The following TMIGD3 variants were observed in gnomAD, a reference collection of about 807,000 sequenced individuals.
The protein encoded by TMIGD3 is AD026 protein (AD026).
In TMIGD3, 21 loss-of-function variants were observed where a neutral mutation model predicts 28.1. The ratio of observed to expected loss-of-function variants is 0.75; its 90% confidence interval spans 0.53 to 1.08. The LOEUF (loss-of-function observed/expected upper bound fraction) is 1.08. Ranked by LOEUF, TMIGD3 falls within the 50% of genes least tolerant of loss-of-function variation. TMIGD3 has a pLI of 0.00. For synonymous variants in TMIGD3, 151 were observed against 162.1 expected (o/e 0.93, Z 0.52); for missense variants, 416 against 435.6 (o/e 0.96, Z 0.40).
rs552519227 is a variant in TMIGD3 at position 111,488,692 on chromosome 1, A to G, written c.790T>C (p.Phe264Leu). 13 of 1,613,534 alleles carry G rather than the reference A, an allele frequency of 8.1e-6. No homozygotes were observed. The South Asian group carries it at 1.3e-4, about 16-fold the overall frequency. The change falls in exon 3 of 6, where the codon TTT (phenylalanine) becomes CTT (leucine). Residue 264 changes from phenylalanine to leucine, a missense_variant. Transcript: ENST00000369716. ...TDDKGTLAND[F>L]WSGKDLSGNK... ...GGCTCCTTACCTTTCCCAGACCAAAAGTCATTGGCCAGGGTTCCTTTGTCG... is the reference window on the plus strand; with the variant it reads ...GGCTCCTTACCTTTCCCAGACCAAAGGTCATTGGCCAGGGTTCCTTTGTCG...
chr1:111,516,755 G>A (rs1655881024), intron 1 of TMIGD3, among the ~76,000 whole-genome samples: 1 of 152,212 alleles, frequency 6.6e-6, no homozygotes, highest in South Asian at 2.1e-4. Context: ...CCCAGGTTGA[G>A]CAGTGTGTGA....
At chr1:111,552,987 C>T (rs1233270884) in intron 1 of TMIGD3, among the ~76,000 whole-genome samples, 8 of 152,212 alleles carry the variant, frequency 5.3e-5, no homozygotes, top group Non-Finnish European at 1.2e-4. Flanking sequence ...TTACAATGAG[C>T]AAGACTGACA....
At chr1:111,498,667 T>G (rs1460912721) in intron 1 of TMIGD3, among the ~76,000 whole-genome samples, 1 of 152,236 alleles carries the variant, frequency 6.6e-6, no homozygotes, top group East Asian at 1.9e-4. Context: ...TATGGACAAG[T>G]TACTTAACTT....
At chr1:111,553,504 A>G (rs1264254979) in intron 1 of TMIGD3, among the ~76,000 whole-genome samples, 1 of 152,238 alleles carries the variant, frequency 6.6e-6, no homozygotes, top group African/African-American at 2.4e-5. Context: ...CATGCAGAGT[A>G]AAATCTCCAG....
chr1:111,509,883 C>T (rs1655633604), intron 1 of TMIGD3, among the ~76,000 whole-genome samples: 1 of 152,236 alleles, frequency 6.6e-6, no homozygotes, highest in African/African-American at 2.4e-5. Flanking sequence ...AAAACTAAGG[C>T]TAGGAGAGAA....
At chr1:111,515,544 C>G (rs532132304) in intron 1 of TMIGD3, among the ~76,000 whole-genome samples, 12 of 152,372 alleles carry the variant, frequency 7.9e-5, no homozygotes, top group African/African-American at 2.9e-4. Flanking sequence ...CAGCAGCCAG[C>G]TGCCCCTTGT....
chr1:111,506,137 C>A (rs1655482106), upstream of TMIGD3, among the ~76,000 whole-genome samples: 1 of 152,238 alleles, frequency 6.6e-6, no homozygotes, highest in South Asian at 2.1e-4. Flanking sequence ...TCTGGGACCA[C>A]ACTGTGCTGT....
At position 111,503,144 on chromosome 1, in the gene TMIGD3, C is replaced by T. The variant is rs371392537; in HGVS notation, c.211G>A (p.Val71Ile). ...TGGATTGTGATGCCCAGGCTGACAA[C>T]AATGGCCAAAGGCATGACCAGCACC... Reference protein sequence around the residue: ...VGVLVMPLAIVVSLGITIHFY... With the variant: ...VGVLVMPLAIIVSLGITIHFY... Residue 71 changes from valine (V) to isoleucine (I), a missense_variant, in exon 1 of 6, where the codon GTT becomes ATT. By Grantham distance (29) the Val-to-Ile change is conservative. Coordinates refer to ENST00000369716, the MANE Select transcript of TMIGD3 (RefSeq NM_020683.7). 6.2e-7 allele frequency: 1 copy of T among 1,614,186 alleles called. No homozygotes were observed.
intron 1 of TMIGD3, among the ~76,000 whole-genome samples, chr1:111,498,433 A>G (rs2100973659): frequency 6.6e-6 from 1 of 152,382 alleles, no homozygotes; most frequent in Admixed American, 6.5e-5. Flanking sequence ...CTGATTAATT[A>G]GAGATCAGCA....
chr1:111,504,867 T>G, upstream of TMIGD3: 2 of 985,250 alleles, frequency 2.0e-6, no homozygotes, highest in South Asian at 9.4e-5. Flanking sequence ...AATCCCATAC[T>G]TGTCCCCGCC....
intron 2 of TMIGD3, chr1:111,489,496 C>T (rs1334236658): frequency 2.8e-5 from 25 of 894,636 alleles, no homozygotes; most frequent in African/African-American, 3.7e-5. Flanking sequence ...AATAAATTTC[C>T]ATTGTTTTAG....
intron 1 of TMIGD3, among the ~76,000 whole-genome samples, chr1:111,554,662 C>A (rs1657407212): frequency 6.6e-6 from 1 of 152,206 alleles, no homozygotes; most frequent in Non-Finnish European, 1.5e-5. Context: ...AATAATGGCA[C>A]TTGGTACAAG....
rs565069518 is a variant in TMIGD3, at chr1:111,500,840, G to A, written c.350+2165C>T. On this transcript the variant is annotated intron_variant, in intron 1 of 5. Transcript: ENST00000369716. ...CTCTTGAATGGATAAGGAGGATGTTGCCTAGAGTCAAGTGCTTACGTGCTC... is the reference window on the plus strand; with the variant it reads ...CTCTTGAATGGATAAGGAGGATGTTACCTAGAGTCAAGTGCTTACGTGCTC... 8 of 509,106 alleles carry A rather than the reference G, an allele frequency of 1.6e-5. No individual in the cohort carries two copies. The South Asian group carries it at 2.1e-4, about 13-fold the overall frequency. The allele number at this position is 509,106 out of a possible 1,614,324, so 31.5% of individuals were successfully genotyped here. A position where few individuals can be genotyped will look rare whatever the true frequency, so the allele number is the denominator to read the frequency against.
At chr1:111,517,002 T>G (rs1212554893) in intron 1 of TMIGD3, among the ~76,000 whole-genome samples, 1 of 152,254 alleles carries the variant, frequency 6.6e-6, no homozygotes, top group Non-Finnish European at 1.5e-5. Context: ...TCCCTGGTTC[T>G]GCTGGCTTCT....
intron 1 of TMIGD3, among the ~76,000 whole-genome samples, chr1:111,494,870 A>G (rs1056140602): frequency 3.3e-5 from 5 of 152,236 alleles, no homozygotes; most frequent in Non-Finnish European, 7.3e-5. Context: ...GATCCTTGAC[A>G]AAACTGACAA....
chr1:111,506,534 C>T (rs187131312), upstream of TMIGD3, among the ~76,000 whole-genome samples: 244 of 152,340 alleles, frequency 1.6e-3, no homozygotes, highest in African/African-American at 5.6e-3. Context: ...GCATTCAAAC[C>T]CAGGCTTCTG....
chr1:111,532,380 C>A (rs1321601597), intron 1 of TMIGD3, among the ~76,000 whole-genome samples: 1 of 152,180 alleles, frequency 6.6e-6, no homozygotes, highest in Non-Finnish European at 1.5e-5. Context: ...AAAATGAAGT[C>A]CATCCAGGCC....
chr1:111,520,158 T>G (rs983824210), intron 1 of TMIGD3, among the ~76,000 whole-genome samples: 3 of 152,166 alleles, frequency 2.0e-5, no homozygotes, highest in African/African-American at 7.2e-5. Flanking sequence ...GGAAACTAAA[T>G]AGGTTGTCAT....
Position 111,483,791 on chromosome 1 carries a change from G to A in TMIGD3, c.974-34C>T, listed in dbSNP as rs539477614. On this transcript the variant is annotated intron_variant, in intron 5 of 5. Transcript: ENST00000369716. ...GGGAATAGAAAGGGAAAATGGAGTTGAGATCTATTGCCTACCCCTGAAGAG... is the reference window on the plus strand; with the variant it reads ...GGGAATAGAAAGGGAAAATGGAGTTAAGATCTATTGCCTACCCCTGAAGAG... 2.6e-5 allele frequency: 40 copies of A among 1,552,920 alleles called. 1 individual carries two copies. The East Asian group carries it at 7.9e-4, about 31-fold the overall frequency.
Sources: allele counts gnomAD v4.1 joint callset (sites outside exome capture counted in the v4.1 genomes callset), GRCh38; gene constraint gnomAD v4.1.1; transcripts MANE v1.5; gene names NCBI Gene and HGNC (gene_info 2026-07-23, HGNC 2026-07-21).